The following TSPAN7 variants were observed in gnomAD, a reference collection of about 807,000 sequenced individuals.
TSPAN7 encodes tetraspanin-7.
Under a neutral mutation model 17.6 loss-of-function variants are expected in TSPAN7, and 1 was observed. The ratio of observed to expected loss-of-function variants is 0.06; its 90% CI spans 0.02 to 0.27. The LOEUF is 0.27. TSPAN7 is among the 10% of genes least tolerant of loss of function. The probability of loss-of-function intolerance (pLI) is 1.00; values close to 1 mark genes in which losing one functional copy is unlikely to be tolerated. For missense variants in TSPAN7, 112 were observed against 201.7 expected (o/e 0.56, Z 2.69); for synonymous variants, 78 against 79.0 (o/e 0.99, Z 0.07).
intron 1 of TSPAN7, among the ~76,000 whole-genome samples, chrX:38,616,629 C>T (rs977850991): frequency 2.7e-4 from 30 of 112,074 alleles, no homozygotes; most frequent in African/African-American, 9.7e-4. Context: ...AGAACAACAA[C>T]AAAATAAGGT....
At chrX:38,678,944 G>A (rs2069872352) in intron 5 of TSPAN7, among the ~76,000 whole-genome samples, 1 of 111,626 alleles carries the variant, frequency 9.0e-6, no homozygotes, top group Admixed American at 9.5e-5. Flanking sequence ...GTCTGGGGTG[G>A]AGCCTCCAAT....
At chrX:38,571,244 A>G (rs747406899) in intron 1 of TSPAN7, among the ~76,000 whole-genome samples, 4 of 111,279 alleles carry the variant, frequency 3.6e-5, no homozygotes, top group Admixed American at 1.9e-4. Flanking sequence ...GTGAACAGAC[A>G]TAGGTACTAG....
At chrX:38,578,583 C>A (rs1469677882) in intron 1 of TSPAN7, among the ~76,000 whole-genome samples, 1 of 110,742 alleles carries the variant, frequency 9.0e-6, no homozygotes, top group African/African-American at 3.3e-5. Context: ...TAGAACAGGC[C>A]GCTCTTTGAG....
intron 1 of TSPAN7, among the ~76,000 whole-genome samples, chrX:38,605,253 T>C (rs2069372522): frequency 9.0e-6 from 1 of 110,938 alleles, no homozygotes; most frequent in African/African-American, 3.3e-5. Context: ...ACAAGCATTC[T>C]TATACACCGA....
chrX:38,606,382 T>A (rs17320970), intron 1 of TSPAN7, among the ~76,000 whole-genome samples: 12,635 of 111,184 alleles, frequency 0.11, 928 homozygotes, highest in East Asian at 0.54. Flanking sequence ...GAGACTAGAG[T>A]TACAAAGAGG....
chrX:38,565,776 C>T (rs945903678), intron 1 of TSPAN7, among the ~76,000 whole-genome samples: 1 of 111,868 alleles, frequency 8.9e-6, no homozygotes, highest in Admixed American at 9.4e-5. Context: ...GGCTTTCTCT[C>T]CTGTCTATAA....
At chrX:38,571,475 C>T (rs183921812) in intron 1 of TSPAN7, among the ~76,000 whole-genome samples, 1 of 111,258 alleles carries the variant, frequency 9.0e-6, no homozygotes, top group Admixed American at 9.5e-5. Flanking sequence ...TTCACTTGAG[C>T]CTCCTGGATC....
chrX:38,637,001 T>G (rs1437424501), intron 1 of TSPAN7, among the ~76,000 whole-genome samples: 1 of 112,410 alleles, frequency 8.9e-6, no homozygotes, highest in Non-Finnish European at 1.9e-5. Context: ...ACAGTCCTGT[T>G]GAAGAAACAT....
intron 6 of TSPAN7, among the ~76,000 whole-genome samples, chrX:38,681,826 G>T (rs1375328061): frequency 8.9e-6 from 1 of 111,774 alleles, no homozygotes; most frequent in African/African-American, 3.3e-5. Context: ...ATCAAATTTT[G>T]TGTATTAAAT....
chrX:38,608,649 T>C (rs2069399664), intron 1 of TSPAN7, among the ~76,000 whole-genome samples: 2 of 111,681 alleles, frequency 1.8e-5, no homozygotes, highest in African/African-American at 3.3e-5. Flanking sequence ...AAATTGTAGC[T>C]ATTTTATTCA....
At chrX:38,682,249 A>G (rs763867525) in intron 6 of TSPAN7, among the ~76,000 whole-genome samples, 9 of 112,035 alleles carry the variant, frequency 8.0e-5, no homozygotes, top group Admixed American at 2.8e-4. Context: ...TAATTTCTAC[A>G]TAGGCTATCT....
chrX:38,612,950 A>T (rs138836446), intron 1 of TSPAN7, among the ~76,000 whole-genome samples: 10 of 111,699 alleles, frequency 9.0e-5, no homozygotes, highest in African/African-American at 3.3e-4. Flanking sequence ...TTCATCCACT[A>T]TGCTGGGCAT....
intron 1 of TSPAN7, among the ~76,000 whole-genome samples, chrX:38,583,986 C>T (rs562943298): frequency 6.2e-4 from 46 of 74,017 alleles, no homozygotes; most frequent in Middle Eastern, 0.013. Context: ...TAGAGTCTTG[C>T]TCTGTCGCCC....
intron 1 of TSPAN7, among the ~76,000 whole-genome samples, chrX:38,625,699 A>G (rs751491937): frequency 7.1e-5 from 8 of 112,072 alleles, no homozygotes; most frequent in African/African-American, 2.6e-4. Flanking sequence ...AGGAGATGAG[A>G]TCCAGAGCAC....
At chrX:38,586,885 A>G (rs1191780114) in intron 1 of TSPAN7, among the ~76,000 whole-genome samples, 5 of 112,399 alleles carry the variant, frequency 4.4e-5, no homozygotes, top group African/African-American at 1.6e-4. Context: ...AGTGTCCTAA[A>G]TAACCCCTCA....
intron 1 of TSPAN7, among the ~76,000 whole-genome samples, chrX:38,573,403 G>C (rs1050275128): frequency 1.8e-5 from 2 of 111,519 alleles, no homozygotes; most frequent in Admixed American, 9.5e-5. Context: ...GTCAAATGAG[G>C]AATTGGTGAC....
intron 5 of TSPAN7, among the ~76,000 whole-genome samples, chrX:38,680,680 T>C (rs772074999): frequency 2.7e-5 from 3 of 110,270 alleles, no homozygotes; most frequent in Non-Finnish European, 5.7e-5. Flanking sequence ...TTGGCAGATA[T>C]TCAAACACTT....
Position 38,602,951 on chromosome X carries a change from A to C in TSPAN7, c.81+41324A>C, listed in dbSNP as rs1344359455. Among the ~76,000 whole-genome samples, 3 of 112,256 alleles carry C rather than the reference A, an allele frequency of 2.7e-5. No individual in the cohort carries two copies. In the East Asian group the frequency reaches 8.4e-4, roughly 32 times the overall value. On this transcript the variant is annotated intron_variant, in intron 1 of 7. Coordinates refer to ENST00000378482, the MANE Select transcript of TSPAN7 (RefSeq NM_004615.4). The stretch of plus-strand genomic sequence containing the variant: ...TTCTGTACTACCGAACTATTCAGAC[A>C]GACACATTCTGTGTGATAAGCAAAA...
intron 6 of TSPAN7, among the ~76,000 whole-genome samples, chrX:38,682,371 T>G (rs779489087): frequency 8.9e-6 from 1 of 112,046 alleles, no homozygotes; most frequent in South Asian, 3.7e-4. Context: ...CTAATTGAAA[T>G]GTGGAATATA....
Sources: gnomAD v4.1 joint callset for allele counts (sites outside exome capture counted in the v4.1 genomes callset) on GRCh38, gnomAD v4.1.1 for gene constraint, MANE v1.5 for transcripts, NCBI Gene and HGNC (gene_info 2026-07-23, HGNC 2026-07-21) for gene names.